Variants in IFNAR2 observed in about 807,000 individuals in gnomAD.
IFNAR2 encodes interferon alpha and beta receptor subunit 2.
Under a neutral mutation model 49.4 loss-of-function variants are expected in IFNAR2, and 30 were observed. The observed-to-expected ratio is 0.61, with a 90% CI of 0.45 to 0.82. The LOEUF (loss-of-function observed/expected upper bound fraction) is 0.82. IFNAR2 is among the 40% of genes least tolerant of loss of function. The pLI, the probability that IFNAR2 is intolerant of heterozygous loss-of-function variation, is 0.00. For synonymous variants in IFNAR2, 224 were observed against 234.5 expected, an observed-to-expected ratio of 0.96 and a Z score of 0.41; for missense variants, 600 against 622.7, an observed-to-expected ratio of 0.96 and a Z score of 0.39.
rs1439217653 is a variant in IFNAR2 at position 33,245,967 on chromosome 21, AG to A, written c.222-746del. Among the ~76,000 whole-genome samples the A allele has an allele frequency of 3.9e-5, 6 of 152,098 alleles. No homozygotes were observed. In the South Asian group the frequency reaches 1.2e-3, roughly 32 times the overall value. ...ATCATCTAGTCTTAGCCAGAGAGGG[AG>A]GGGGTCTCAGGGAAGGCATTCATAA... On this transcript the variant is annotated intron_variant, in intron 4 of 8. Coordinates refer to ENST00000342136, the MANE Select transcript of IFNAR2 (RefSeq NM_001289125.3).
intron 8 of IFNAR2, among the ~76,000 whole-genome samples, chr21:33,261,021 TTA>T (rs1195313886): frequency 6.7e-6 from 1 of 148,806 alleles, no homozygotes; most frequent in African/African-American, 2.5e-5. Context: ...TCTGTGCATT[TTA>T]TGTTTTCTTT....
At chr21:33,235,486 A>T (rs1390680455) in intron 1 of IFNAR2, among the ~76,000 whole-genome samples, 1 of 152,196 alleles carries the variant, frequency 6.6e-6, no homozygotes, top group Non-Finnish European at 1.5e-5. Flanking sequence ...GACTGAGCTC[A>T]CTACATAATT....
At chr21:33,248,381 G>T (rs1348792606) in intron 5 of IFNAR2, among the ~76,000 whole-genome samples, 1 of 110,766 alleles carries the variant, frequency 9.0e-6, no homozygotes, top group Admixed American at 1.2e-4. Flanking sequence ...AAGTTAGGGG[G>T]GAGGGAGGGA....
chr21:33,243,425 C>T (rs1242465358), intron 2 of IFNAR2, among the ~76,000 whole-genome samples: 2 of 152,090 alleles, frequency 1.3e-5, no homozygotes, highest in Non-Finnish European at 2.9e-5. Flanking sequence ...AGAACAGGGA[C>T]CGTACATATT....
intron 6 of IFNAR2, among the ~76,000 whole-genome samples, chr21:33,250,915 G>T (rs772874246): frequency 6.6e-6 from 1 of 152,234 alleles, no homozygotes; most frequent in Non-Finnish European, 1.5e-5. Flanking sequence ...AATGAAGCAG[G>T]TGAGGGTTAG....
intron 7 of IFNAR2, among the ~76,000 whole-genome samples, chr21:33,253,541 A>G (rs1988007803): frequency 6.6e-6 from 1 of 152,126 alleles, no homozygotes; most frequent in South Asian, 2.1e-4. Context: ...AGAGGTCCCA[A>G]TCCATACCCC....
At chr21:33,236,009 C>T (rs1986422623) in intron 1 of IFNAR2, among the ~76,000 whole-genome samples, 1 of 152,134 alleles carries the variant, frequency 6.6e-6, no homozygotes. Flanking sequence ...TATGCAAAAC[C>T]AGATTTAAAT....
At chr21:33,247,932 C>T (rs1987561779) in intron 5 of IFNAR2, among the ~76,000 whole-genome samples, 3 of 152,090 alleles carry the variant, frequency 2.0e-5, no homozygotes, top group African/African-American at 4.8e-5. Flanking sequence ...TGCATGTTTA[C>T]GTATGTGTAT....
At chr21:33,256,403 G>A (rs947179844) in intron 7 of IFNAR2, among the ~76,000 whole-genome samples, 6 of 152,150 alleles carry the variant, frequency 3.9e-5, no homozygotes, top group Non-Finnish European at 8.8e-5. Context: ...AATAGGTTCA[G>A]ATAACGTGGC....
At chr21:33,242,949 C>G (rs1347547434) in intron 2 of IFNAR2, among the ~76,000 whole-genome samples, 1 of 150,292 alleles carries the variant, frequency 6.7e-6, no homozygotes, top group Admixed American at 6.6e-5. Flanking sequence ...CCACCATGCC[C>G]GGCTAATTTT....
At chr21:33,257,120 C>G (rs916866442) in intron 7 of IFNAR2, among the ~76,000 whole-genome samples, 7 of 152,112 alleles carry the variant, frequency 4.6e-5, no homozygotes, top group African/African-American at 1.7e-4. Context: ...TTCTCGGAAG[C>G]GTGAACTGTA....
chr21:33,246,357 A>C (rs577994638), intron 4 of IFNAR2, among the ~76,000 whole-genome samples: 1 of 152,304 alleles, frequency 6.6e-6, no homozygotes, highest in South Asian at 2.1e-4. Context: ...GACGTGAGCC[A>C]CTGCACCCGG....
chr21:33,243,722 A>G lies in IFNAR2; in HGVS notation c.97+8A>G, dbSNP rs1987175018. The G allele has an allele frequency of 9.9e-6, 16 of 1,609,694 alleles. No homozygotes were observed. Among genetic ancestry groups the G allele is most frequent in the Non-Finnish European group, 1.4e-5 (16 of 1,176,110 alleles). Reference sequence around the variant, plus strand: ...TTTCATATGATTCGCCTGGTAAGAGATGTTTTTTGGCTTCACTAAATTTTG... The same window carrying G: ...TTTCATATGATTCGCCTGGTAAGAGGTGTTTTTTGGCTTCACTAAATTTTG... On this transcript the variant is annotated splice_region_variant and intron_variant, in intron 3 of 8. Coordinates refer to ENST00000342136, the MANE Select transcript of IFNAR2 (RefSeq NM_001289125.3).
intron 1 of IFNAR2, chr21:33,234,711 TC>T: frequency 1.0e-6 from 1 of 984,166 alleles, no homozygotes; most frequent in Admixed American, 6.1e-5. Context: ...AGCTCTTCTT[TC>T]AGAATGGAGA....
At chr21:33,256,148 G>A (rs934638277) in intron 7 of IFNAR2, among the ~76,000 whole-genome samples, 8 of 152,146 alleles carry the variant, frequency 5.3e-5, no homozygotes, top group African/African-American at 1.9e-4. Context: ...CAAGCTCCTT[G>A]GAGGTTGATG....
rs1988773981 is a variant in IFNAR2 at position 33,263,329 on chromosome 21, A to G, written c.1377A>G (p.Pro459=). 3 of 1,614,208 alleles carry G rather than the reference A, an allele frequency of 1.9e-6. No individual in the cohort carries two copies. The highest frequency in any genetic ancestry group is 8.5e-7 in the Non-Finnish European group (1 of 1,180,030). ...CTCATCTGGAAGAGATGGTTGACCC[A>G]GAGGATCCTGATAATGTGCAATCAA... The part of the protein sequence containing the change: ...LSSHLEEMVD[P]EDPDNVQSNH... Residue 459 remains proline (P), a synonymous_variant, in exon 9 of 9, where the codon CCA becomes CCG. Coordinates refer to ENST00000342136, the MANE Select transcript of IFNAR2 (RefSeq NM_001289125.3).
intron 8 of IFNAR2, 161 bp from the exon 9 acceptor site, chr21:33,262,632 A>G: frequency 9.9e-7 from 1 of 1,011,266 alleles, no homozygotes; most frequent in Non-Finnish European, 1.5e-6. Context: ...TACAGTCTGA[A>G]ACTCCTGAGC....
chr21:33,237,276 A>G (rs1352105397), intron 1 of IFNAR2, among the ~76,000 whole-genome samples: 1 of 152,160 alleles, frequency 6.6e-6, no homozygotes, highest in Non-Finnish European at 1.5e-5. Flanking sequence ...TCACATCCAT[A>G]ATCCAAGCCC....
At chr21:33,243,426 C>T (rs984823314) in intron 2 of IFNAR2, among the ~76,000 whole-genome samples, 3 of 152,088 alleles carry the variant, frequency 2.0e-5, no homozygotes, top group South Asian at 2.1e-4. Flanking sequence ...GAACAGGGAC[C>T]GTACATATTG....
Sources: gnomAD v4.1 joint callset for allele counts (sites outside exome capture counted in the v4.1 genomes callset) on GRCh38, gnomAD v4.1.1 for gene constraint, MANE v1.5 for transcripts, NCBI Gene and HGNC (gene_info 2026-07-23, HGNC 2026-07-21) for gene names.